Variants in MAST4 observed in about 807,000 individuals in gnomAD.
The protein encoded by MAST4 is microtubule associated serine/threonine kinase family member 4.
A neutral mutation model predicts 162.7 loss-of-function variants in MAST4; 89 were observed. The observed-to-expected ratio is 0.55, with a 90% CI of 0.46 to 0.65. The LOEUF (loss-of-function observed/expected upper bound fraction) is 0.65. MAST4 is among the 30% of genes least tolerant of loss of function. MAST4 has a pLI of 0.00. For synonymous variants in MAST4, 1,479 were observed against 1,361.1 expected (o/e 1.09, Z -1.91); for missense variants, 3,153 against 3,374.0 (o/e 0.93, Z 1.62).
chr5:67,034,584 A>T (rs1030585654), intron 4 of MAST4, among the ~76,000 whole-genome samples: 5 of 152,154 alleles, frequency 3.3e-5, no homozygotes, highest in Admixed American at 3.3e-4. Context: ...TAACCCCAGG[A>T]CTGCGAGCTT....
chr5:66,938,813 A>G (rs1028609783), intron 4 of MAST4, among the ~76,000 whole-genome samples: 2 of 152,342 alleles, frequency 1.3e-5, no homozygotes, highest in South Asian at 2.1e-4. Flanking sequence ...GTGGACCTTC[A>G]AAAACCCACA....
At chr5:66,805,205 C>T (rs1561343435) in intron 3 of MAST4, among the ~76,000 whole-genome samples, 1 of 152,176 alleles carries the variant, frequency 6.6e-6, no homozygotes, top group Non-Finnish European at 1.5e-5. Flanking sequence ...CCAGAGATAG[C>T]CAGTTATTCC....
chr5:66,946,729 A>G (rs1056526020), intron 4 of MAST4, among the ~76,000 whole-genome samples: 4 of 152,190 alleles, frequency 2.6e-5, no homozygotes, highest in African/African-American at 9.6e-5. Context: ...TTTTCACGTA[A>G]TGCTAAAAGT....
rs374543257 is a variant in MAST4, at chr5:67,166,425, G to A, written c.7246G>A (p.Glu2416Lys). 1 of 1,606,334 alleles carries A rather than the reference G, an allele frequency of 6.2e-7. No individual in the cohort carries two copies. Among genetic ancestry groups the A allele is most frequent in the South Asian group, 1.1e-5 (1 of 89,820 alleles). Residue 2416 changes from glutamate to lysine, a missense_variant, in exon 29 of 29, where the codon GAG (glutamate) becomes AAG (lysine). Around this residue, in one of 7 missense-constraint regions of MAST4, gnomAD observed 1,644 missense variants for 1,495.0 expected, o/e 1.10. Transcript: ENST00000403625. ...PAAGVGKGFP[E>K]ARGKGPGPQK... is the part of the protein sequence containing the mutation. ...CGCGGGGGTGGGGAAGGGCTTCCCT[G>A]AGGCCAGAGGGAAAGGGCCCGGTCC...
At chr5:67,139,427 G>A (rs994840440) in intron 19 of MAST4, among the ~76,000 whole-genome samples, 5 of 152,192 alleles carry the variant, frequency 3.3e-5, no homozygotes, top group African/African-American at 4.8e-5. Context: ...TTGTGCTACT[G>A]GAACTACACT....
chr5:66,857,076 C>T (rs1330727527), intron 3 of MAST4, among the ~76,000 whole-genome samples: 1 of 152,138 alleles, frequency 6.6e-6, no homozygotes, highest in South Asian at 2.1e-4. Flanking sequence ...CTTTTGTTCC[C>T]TTCTCTGCCC....
intron 3 of MAST4, among the ~76,000 whole-genome samples, chr5:66,802,400 T>C (rs901694227): frequency 1.3e-5 from 2 of 152,184 alleles, no homozygotes; most frequent in African/African-American, 4.8e-5. Context: ...AACCAGAGAA[T>C]TATGGCTCTT....
chr5:67,099,942 G>A (rs188758058), intron 7 of MAST4, among the ~76,000 whole-genome samples: 7 of 151,950 alleles, frequency 4.6e-5, no homozygotes, highest in South Asian at 2.1e-4. Flanking sequence ...AATCCCTCCC[G>A]TTTTACTCAT....
chr5:66,973,763 T>C (rs995880068), intron 4 of MAST4, among the ~76,000 whole-genome samples: 1 of 152,214 alleles, frequency 6.6e-6, no homozygotes. Context: ...AGTTGAAGAA[T>C]ATTCCCTCCT....
At chr5:67,092,317 C>A (rs1474657513) in intron 6 of MAST4, among the ~76,000 whole-genome samples, 1 of 152,154 alleles carries the variant, frequency 6.6e-6, no homozygotes, top group African/African-American at 2.4e-5. Flanking sequence ...TAGTAGCCAT[C>A]CCTTGTAACA....
intron 6 of MAST4, among the ~76,000 whole-genome samples, chr5:67,090,701 A>G (rs1182621138): frequency 2.0e-5 from 3 of 151,502 alleles, no homozygotes; most frequent in African/African-American, 7.3e-5. Flanking sequence ...CCAGCCGTCA[A>G]AGATAGATGT....
intron 4 of MAST4, among the ~76,000 whole-genome samples, chr5:66,943,479 AG>A (rs2150109825): frequency 6.6e-6 from 1 of 152,216 alleles, no homozygotes; most frequent in African/African-American, 2.4e-5. Context: ...GGGAAGTTTC[AG>A]GAGCCTAAAT....
chr5:66,926,096 G>A (rs566124705), intron 4 of MAST4, among the ~76,000 whole-genome samples: 1 of 152,200 alleles, frequency 6.6e-6, no homozygotes, highest in South Asian at 2.1e-4. Context: ...CATAGGTGAT[G>A]TAGGCTCTCA....
intron 4 of MAST4, among the ~76,000 whole-genome samples, chr5:66,974,758 A>G (rs1561494923): frequency 1.3e-5 from 2 of 152,238 alleles, no homozygotes; most frequent in East Asian, 3.8e-4. Flanking sequence ...AAATGGAAAA[A>G]AATAACTATT....
At chr5:67,145,458 C>T (rs1228316009) in intron 23 of MAST4, 79 bp downstream of exon 23, 8 of 1,226,796 alleles carry the variant, frequency 6.5e-6, no homozygotes, top group East Asian at 4.9e-5. Flanking sequence ...GGGCGGGCCT[C>T]GCCAGGCAGT....
At chr5:66,768,550 A>G (rs957909327) in intron 2 of MAST4, among the ~76,000 whole-genome samples, 1 of 152,238 alleles carries the variant, frequency 6.6e-6, no homozygotes, top group Non-Finnish European at 1.5e-5. Flanking sequence ...GTTATACTGT[A>G]TAATTCCACT....
chr5:67,100,139 C>T (rs561190469), intron 7 of MAST4, among the ~76,000 whole-genome samples: 8 of 152,266 alleles, frequency 5.3e-5, no homozygotes, highest in South Asian at 2.1e-4. Flanking sequence ...CTCCAGTGGT[C>T]GCTTTCTTGC....
chr5:67,071,676 C>G (rs1482208559), intron 5 of MAST4, among the ~76,000 whole-genome samples: 1 of 152,196 alleles, frequency 6.6e-6, no homozygotes, highest in African/African-American at 2.4e-5. Context: ...AGGAGAATTG[C>G]TTGAACACGG....
intron 3 of MAST4, among the ~76,000 whole-genome samples, chr5:66,889,807 C>T (rs537560250): frequency 6.6e-6 from 1 of 152,304 alleles, no homozygotes; most frequent in African/African-American, 2.4e-5. Flanking sequence ...CTTCTCAACA[C>T]CCCATAAGAT....
Sources: allele counts gnomAD v4.1 joint callset (sites outside exome capture counted in the v4.1 genomes callset), GRCh38; gene constraint gnomAD v4.1.1; regional missense constraint gnomAD v4.1.1; transcripts MANE v1.5; gene names NCBI Gene and HGNC (gene_info 2026-07-23, HGNC 2026-07-21).